The following SFPQ variants were observed in gnomAD, a reference collection of about 807,000 sequenced individuals.
SFPQ encodes the protein splicing factor, proline- and glutamine-rich.
A neutral mutation model predicts 72.9 loss-of-function variants in SFPQ; 11 were observed. That is an observed-to-expected ratio of 0.15 (90% confidence interval 0.09 to 0.25). The LOEUF (loss-of-function observed/expected upper bound fraction) is 0.25. SFPQ is among the 10% of genes least tolerant of loss of function. The pLI is 1.00. For missense variants in SFPQ, 847 were observed against 993.3 expected, an observed-to-expected ratio of 0.85 and a Z score of 1.98; for synonymous variants, 506 against 367.3, an observed-to-expected ratio of 1.38 and a Z score of -4.32.
rs777159292 is a variant in SFPQ at position 35,185,425 on chromosome 1, G to A, written c.1987-832C>T. ...TAATTCCATGTTTTAGACACTTCCCGAACAGTGAAACACGAAGCTAAAGTA... is the reference window on the plus strand; with the variant it reads ...TAATTCCATGTTTTAGACACTTCCCAAACAGTGAAACACGAAGCTAAAGTA... On this transcript the variant is annotated intron_variant, in intron 9 of 9. Transcript: ENST00000357214. Among the ~76,000 whole-genome samples, 5 of 152,222 alleles carry A rather than the reference G, an allele frequency of 3.3e-5. No homozygotes were observed. The South Asian group carries it at 6.2e-4, about 19-fold the overall frequency.
intron 5 of SFPQ, chr1:35,176,521 A>G (rs527271816): frequency 2.6e-5 from 4 of 152,286 alleles, no homozygotes; most frequent in South Asian, 2.1e-4. Flanking sequence ...AATCAGAGTT[A>G]CCAAATTCTC....
In SFPQ at chr1:35,192,319, C is replaced by T; in HGVS notation, c.731G>A (p.Gly244Asp). ...GTGGTAGGGCGGGTGGTGCTGGCGG[C>T]CCCCGCGGGGCTCCCCGCCGCCTCG... is the stretch of plus-strand genomic sequence containing the variant. ...PHRGGGEPRG[G>D]RQHHPPYHQQ... Residue 244 changes from glycine (G) to aspartate (D), a missense_variant, in exon 1 of 10, where the codon GGC (glycine) becomes GAC (aspartate). Coordinates refer to ENST00000357214, the MANE Select transcript of SFPQ (RefSeq NM_005066.3). 1 of 1,428,932 alleles carries T rather than the reference C, an allele frequency of 7.0e-7. No homozygotes were observed. The highest frequency in any genetic ancestry group is 1.4e-5 in the South Asian group (1 of 70,848). 88.5% of individuals were successfully genotyped at this position (1,428,932 alleles called of 1,614,324 possible).
chr1:35,184,615 G>T, intron 9 of SFPQ, 22 bp from the exon 10 acceptor site: 1 of 1,533,870 alleles, frequency 6.5e-7, no homozygotes, highest in Non-Finnish European at 8.7e-7. Flanking sequence ...GTAATTAACA[G>T]TTCATTATAA....
chr1:35,178,232 C>G, downstream of SFPQ: 1 of 1,099,566 alleles, frequency 9.1e-7, no homozygotes, highest in South Asian at 3.0e-5. Context: ...AATAAGTAGA[C>G]ACCTGAATTA....
chr1:35,190,492 T>C lies in SFPQ; in HGVS notation c.1415+6A>G, dbSNP rs776542529. 1 of 1,584,704 alleles carries C rather than the reference T, an allele frequency of 6.3e-7. No homozygotes were observed. ...AAAACTGCCAAAAAAGTTTAATCAA[T>C]CTTACTTTTGATACATTGGATTCTT... is the stretch of plus-strand genomic sequence containing the variant. On this transcript the variant is annotated splice_donor_region_variant and intron_variant, in intron 4 of 9. Coordinates refer to ENST00000357214, the MANE Select transcript of SFPQ (RefSeq NM_005066.3).
In SFPQ at chr1:35,190,674, GAATA is replaced by G. The variant is rs751787454; in HGVS notation, c.1319+16_1319+19del. On this transcript the variant is annotated intron_variant, in intron 3 of 9. Coordinates refer to ENST00000357214, the MANE Select transcript of SFPQ (RefSeq NM_005066.3). The stretch of plus-strand genomic sequence containing the variant: ...TCATATAAGTTGATAGAAATTATTA[GAATA>G]AACAAGACAACTTACGTCGTCAGTA... The G allele has an allele frequency of 1.2e-6, 2 of 1,611,446 alleles. No individual in the cohort carries two copies. Among genetic ancestry groups the G allele is most frequent in the Middle Eastern group, 1.7e-4 (1 of 6,054 alleles).
Position 35,192,323 on chromosome 1 carries a change from C to A in SFPQ, c.727G>T (p.Gly243Trp). ...PPHRGGGEPR[G>W]GRQHHPPYHQ... ...TAGGGCGGGTGGTGCTGGCGGCCCC[C>A]GCGGGGCTCCCCGCCGCCTCGATGC... Residue 243 changes from glycine (G) to tryptophan (W), a missense_variant, in exon 1 of 10, where the codon GGG becomes TGG. Around this residue, in one of 6 missense-constraint regions of SFPQ, gnomAD observed 498 missense variants for 405.1 expected, o/e 1.23. Coordinates refer to ENST00000357214, the MANE Select transcript of SFPQ (RefSeq NM_005066.3). 7.0e-7 allele frequency: 1 copy of A among 1,422,176 alleles called. No homozygotes were observed. The allele number at this position is 1,422,176 out of a possible 1,614,324, so 88.1% of individuals were successfully genotyped here. A position where few individuals can be genotyped will look rare whatever the true frequency, so the allele number is the denominator to read the frequency against.
At position 35,189,442 on chromosome 1, in the gene SFPQ, GC is replaced by G. The variant is rs1164018486; in HGVS notation, c.1416-61del. 4 of 1,300,626 alleles carry G rather than the reference GC, an allele frequency of 3.1e-6. No homozygotes were observed. The African/African-American group carries it at 6.0e-5, about 19-fold the overall frequency. The allele number at this position is 1,300,626 out of a possible 1,614,324, so 80.6% of individuals were successfully genotyped here. On this transcript the variant is annotated intron_variant, in intron 4 of 9. Coordinates refer to ENST00000357214, the MANE Select transcript of SFPQ (RefSeq NM_005066.3). ...TGTGAATGCATACCAGAAAATACTT[GC>G]CCTAGTACTGATCTTTTTCCTGTTC...
rs1639600270 is a variant in SFPQ, at chr1:35,184,166, A to T, written c.*290T>A. ...TTTGAAGCACAGTAAAAAAAAAAAAATTGGTACACTTTGGAAATTCAGTGG... is the reference window on the plus strand; with the variant it reads ...TTTGAAGCACAGTAAAAAAAAAAAATTTGGTACACTTTGGAAATTCAGTGG... On this transcript the variant is annotated 3_prime_UTR_variant, in exon 10 of 10. Coordinates refer to ENST00000357214, the MANE Select transcript of SFPQ (RefSeq NM_005066.3). 2.6e-6 allele frequency: 3 copies of T among 1,159,364 alleles called. No homozygotes were observed. The highest frequency in any genetic ancestry group is 2.9e-5 in the South Asian group (1 of 34,150). 71.8% of individuals were successfully genotyped at this position (1,159,364 alleles called of 1,614,324 possible). A position where few individuals can be genotyped will look rare whatever the true frequency, so the allele number is the denominator to read the frequency against.
downstream of SFPQ, chr1:35,182,396 T>C (rs955202590): frequency 1.1e-5 from 11 of 985,318 alleles, no homozygotes; most frequent in Non-Finnish European, 1.3e-5. Flanking sequence ...ACTACTCATA[T>C]TTCCGAGTGT....
At chr1:35,182,719 G>A (rs2148609411), downstream of SFPQ, 1 of 985,402 alleles carries the variant, frequency 1.0e-6, no homozygotes, top group African/African-American at 1.7e-5. Context: ...ATTCTACAAT[G>A]TACAGATTTG....
intron 4 of SFPQ, among the ~76,000 whole-genome samples, chr1:35,190,169 AGAATCGCTT>A (rs1360571570): frequency 6.6e-6 from 1 of 152,212 alleles, no homozygotes; most frequent in Non-Finnish European, 1.5e-5. Flanking sequence ...CTGAGGCAGG[AGAATCGCTT>A]GAACCTGGGA....
rs1640064066 is a variant in SFPQ at position 35,192,388 on chromosome 1, C to T, written c.662G>A (p.Gly221Asp). The T allele has an allele frequency of 7.1e-7, 1 of 1,412,120 alleles. No homozygotes were observed. Among genetic ancestry groups the T allele is most frequent in the Non-Finnish European group, 9.2e-7 (1 of 1,092,502 alleles). The allele number at this position is 1,412,120 out of a possible 1,614,324, so 87.5% of individuals were successfully genotyped here. ...GCCGCCAGGCGTACTTAGGCCCGGG[C>T]CGCCACCTGGCTTCGGCCCGCCAGG... Reference protein sequence around the residue: ...KMPGGPKPGGGPGLSTPGGHP... With the variant: ...KMPGGPKPGGDPGLSTPGGHP... The change falls in exon 1 of 10, where the codon GGC (glycine) becomes GAC (aspartate). Residue 221 changes from glycine to aspartate, a missense_variant. Around this residue, in one of 6 missense-constraint regions of SFPQ, gnomAD observed 498 missense variants for 405.1 expected, o/e 1.23. Coordinates refer to ENST00000357214, the MANE Select transcript of SFPQ (RefSeq NM_005066.3).
At chr1:35,177,533 G>A (rs989032432) in intron 4 of SFPQ, 1 of 152,282 alleles carries the variant, frequency 6.6e-6, no homozygotes, top group Non-Finnish European at 1.5e-5. Flanking sequence ...TTTTTCTGTA[G>A]AGACATGGTC....
rs1640083373 is a variant in SFPQ, at chr1:35,192,605, G to C, written c.445C>G (p.Pro149Ala). ...SGAPPGSGPG[P>A]TPTPPPAVTS... ...ACTGCAGGCGGCGGGGTCGGAGTCG[G>C]GCCTGGCCCGGACCCTGGCGGGGCC... The change falls in exon 1 of 10, where the codon CCG (proline) becomes GCG (alanine). Residue 149 changes from proline to alanine, a missense_variant. By Grantham distance (27) the Pro-to-Ala change is conservative. Transcript: ENST00000357214. 2 of 1,358,058 alleles carry C rather than the reference G, an allele frequency of 1.5e-6. No individual in the cohort carries two copies. Among genetic ancestry groups the C allele is most frequent in the Non-Finnish European group, 1.9e-6 (2 of 1,063,390 alleles). 84.1% of individuals were successfully genotyped at this position (1,358,058 alleles called of 1,614,324 possible). A position where few individuals can be genotyped will look rare whatever the true frequency, so the allele number is the denominator to read the frequency against.
downstream of SFPQ, chr1:35,178,840 A>C (rs993897187): frequency 1.1e-5 from 12 of 1,049,360 alleles, no homozygotes; most frequent in Non-Finnish European, 1.4e-5. Flanking sequence ...TCTTCCCCCC[A>C]TTCTCCACAT....
chr1:35,190,182 C>G (rs1639927321), intron 4 of SFPQ, among the ~76,000 whole-genome samples: 1 of 152,146 alleles, frequency 6.6e-6, no homozygotes, highest in South Asian at 2.1e-4. Context: ...ATCGCTTGAA[C>G]CTGGGAGGCA....
downstream of SFPQ, chr1:35,179,896 G>A: frequency 9.5e-7 from 1 of 1,055,074 alleles, no homozygotes; most frequent in Non-Finnish European, 1.1e-6. Flanking sequence ...AACCCCATCA[G>A]GGTTCTATGT....
chr1:35,192,781 T>TGCG lies in SFPQ; in HGVS notation c.266_268dup (p.Pro89dup), dbSNP rs759635987. On this transcript the variant is annotated inframe_insertion, in exon 1 of 10. Coordinates refer to ENST00000357214, the MANE Select transcript of SFPQ (RefSeq NM_005066.3). ...CTGCTGCTGCTGATGCGGCTGTGGATGCGGCGGCGGCTGATGCGGTGGCGG... is the reference window on the plus strand; with the variant it reads ...CTGCTGCTGCTGATGCGGCTGTGGATGCGGCGGCGGCGGCTGATGCGGTGGCGG... 19 of 1,499,174 alleles carry TGCG rather than the reference T, an allele frequency of 1.3e-5. No homozygotes were observed. The African/African-American group carries it at 1.7e-4, about 14-fold the overall frequency. The allele number at this position is 1,499,174 out of a possible 1,614,324, so 92.9% of individuals were successfully genotyped here.
Sources: gnomAD v4.1 joint callset for allele counts (sites outside exome capture counted in the v4.1 genomes callset) on GRCh38, gnomAD v4.1.1 for gene constraint, gnomAD v4.1.1 regional missense constraint, MANE v1.5 for transcripts, NCBI Gene and HGNC (gene_info 2026-07-23, HGNC 2026-07-21) for gene names.